SVOP: variants seen among roughly 807,000 people sequenced by gnomAD.
The protein encoded by SVOP is synaptic vesicle 2-related protein.
SVOP carries 17 observed loss-of-function variants against 69.1 expected under a neutral mutation model. The observed-to-expected ratio is 0.25, with a 90% CI of 0.17 to 0.37. The LOEUF (loss-of-function observed/expected upper bound fraction) is 0.37. SVOP is among the 10% of genes least tolerant of loss of function. SVOP has a pLI of 1.00. For missense variants in SVOP, 435 were observed against 597.5 expected (o/e 0.73, Z 2.84); for synonymous variants, 238 against 238.6 (o/e 1.00, Z 0.02).
intron 4 of SVOP, 35 bp from the exon 5 acceptor site, chr12:108,972,511 G>A (rs2040085374): frequency 1.3e-6 from 2 of 1,531,368 alleles, no homozygotes; most frequent in African/African-American, 2.7e-5. Context: ...TTAGACAGAG[G>A]ATGTGGATCA....
intron 10 of SVOP, among the ~76,000 whole-genome samples, chr12:108,934,510 T>C (rs1227335295): frequency 6.6e-6 from 1 of 152,134 alleles, no homozygotes; most frequent in Non-Finnish European, 1.5e-5. Flanking sequence ...GTCAGAGGTG[T>C]TTGAACCAGA....
chr12:108,982,613 A>G (rs1173977996), intron 2 of SVOP, among the ~76,000 whole-genome samples: 1 of 151,522 alleles, frequency 6.6e-6, no homozygotes, highest in Non-Finnish European at 1.5e-5. Flanking sequence ...TGCCATCCTT[A>G]TCACCATCTT....
At chr12:109,017,125 C>T (rs562290604) in intron 1 of SVOP, among the ~76,000 whole-genome samples, 3 of 152,246 alleles carry the variant, frequency 2.0e-5, no homozygotes, top group Admixed American at 6.5e-5. Flanking sequence ...GGACCCGTAA[C>T]GGTCTCTGGC....
chr12:108,912,385 A>T lies in SVOP; in HGVS notation c.*150T>A. On this transcript the variant is annotated 3_prime_UTR_variant, in exon 16 of 16. Coordinates refer to ENST00000610966, the MANE Select transcript of SVOP (RefSeq NM_018711.5). ...TGGGTGGACCTCAATGAAGATGAGC[A>T]AACTGAGTCAAGACACAAAACCCTG... The T allele has an allele frequency of 6.6e-7, 1 of 1,504,418 alleles. No homozygotes were observed. The highest frequency in any genetic ancestry group is 2.3e-5 in the East Asian group (1 of 43,594). 93.2% of individuals were successfully genotyped at this position (1,504,418 alleles called of 1,614,324 possible).
intron 7 of SVOP, 55 bp from the exon 8 acceptor site, chr12:108,940,964 G>T (rs1316182830): frequency 9.9e-6 from 15 of 1,509,624 alleles, no homozygotes; most frequent in African/African-American, 1.4e-5. Context: ...ATACAGAGAG[G>T]AATTATGGGG....
intron 11 of SVOP, among the ~76,000 whole-genome samples, chr12:108,928,225 C>T (rs1429740440): frequency 3.9e-5 from 6 of 152,164 alleles, no homozygotes; most frequent in South Asian, 2.1e-4. Flanking sequence ...CCCCCTGACC[C>T]CCACCATTTT....
chr12:108,953,256 C>T (rs1264746854), intron 6 of SVOP, among the ~76,000 whole-genome samples: 1 of 143,714 alleles, frequency 7.0e-6, no homozygotes, highest in Non-Finnish European at 1.5e-5. Context: ...TCAAGCGATT[C>T]TCCTGCCTCA....
chr12:108,947,920 CT>C (rs2039934182), intron 6 of SVOP, among the ~76,000 whole-genome samples: 1 of 152,018 alleles, frequency 6.6e-6, no homozygotes, highest in African/African-American at 2.4e-5. Context: ...ACATTTAGAT[CT>C]CCTAGGATCC....
intron 11 of SVOP, among the ~76,000 whole-genome samples, chr12:108,925,638 C>A (rs2039775829): frequency 6.6e-6 from 1 of 152,224 alleles, no homozygotes; most frequent in Non-Finnish European, 1.5e-5. Flanking sequence ...TGGCACTTAA[C>A]ACATCCTTGA....
At chr12:108,946,185 C>T (rs1039171437) in intron 6 of SVOP, among the ~76,000 whole-genome samples, 13 of 152,088 alleles carry the variant, frequency 8.5e-5, no homozygotes, top group African/African-American at 2.9e-4. Context: ...TTCAACCTTC[C>T]AGGCTCAAGC....
In SVOP at chr12:109,005,654, A is replaced by AT. The variant is rs1021971191; in HGVS notation, c.35+15179dup. 4.2e-4 allele frequency among the ~76,000 whole-genome samples: 64 copies of AT among 152,324 alleles called. 1 individual carries two copies. Among genetic ancestry groups the AT allele is most frequent in the African/African-American group, 1.5e-3 (62 of 41,574 alleles). Reference sequence around the variant, plus strand: ...CAGCAGTGGTACCCAAGGAACCCTCATGCCCTAGAAGGTGGGTGCCATTCC... The same window carrying AT: ...CAGCAGTGGTACCCAAGGAACCCTCATTGCCCTAGAAGGTGGGTGCCATTCC... On this transcript the variant is annotated intron_variant, in intron 1 of 15. Transcript: ENST00000610966.
At chr12:108,922,119 T>C (rs2137391168) in intron 12 of SVOP, among the ~76,000 whole-genome samples, 1 of 152,342 alleles carries the variant, frequency 6.6e-6, no homozygotes, top group East Asian at 1.9e-4. Context: ...AGCTGCCCTT[T>C]TGGACCAGGC....
intron 1 of SVOP, among the ~76,000 whole-genome samples, chr12:109,015,933 G>T (rs1047419222): frequency 5.3e-5 from 8 of 152,058 alleles, no homozygotes; most frequent in Non-Finnish European, 8.8e-5. Context: ...GGTGGAGGAC[G>T]GACGAAGAGT....
chr12:108,923,476 G>T (rs2039762338), intron 11 of SVOP, among the ~76,000 whole-genome samples: 1 of 152,058 alleles, frequency 6.6e-6, no homozygotes, highest in South Asian at 2.1e-4. Flanking sequence ...CAACATAGGT[G>T]GGGTGGTGGG....
At chr12:108,991,774 C>CA (rs1340686095) in intron 1 of SVOP, among the ~76,000 whole-genome samples, 105 of 28,372 alleles carry the variant, frequency 3.7e-3, no homozygotes, top group East Asian at 0.032. Flanking sequence ...CCCATCTCTA[C>CA]AAAAAAAAAC....
chr12:108,971,813 G>A (rs1321868274), intron 5 of SVOP, among the ~76,000 whole-genome samples: 1 of 152,050 alleles, frequency 6.6e-6, no homozygotes. Flanking sequence ...AGCGCTGTGG[G>A]AAGGCCAAGG....
At chr12:109,015,779 C>T (rs1361222104) in intron 1 of SVOP, among the ~76,000 whole-genome samples, 3 of 151,946 alleles carry the variant, frequency 2.0e-5, no homozygotes, top group Admixed American at 6.6e-5. Flanking sequence ...GGCAACAGAG[C>T]GAGACTCTGT....
intron 1 of SVOP, among the ~76,000 whole-genome samples, chr12:108,989,298 C>T (rs2040185160): frequency 6.6e-6 from 1 of 152,190 alleles, no homozygotes; most frequent in Admixed American, 6.5e-5. Flanking sequence ...TGGTCTCAAA[C>T]TCTTGGCCTC....
At position 108,909,309 on chromosome 12, in the gene SVOP, A is replaced by G. The variant is rs2039665779; in HGVS notation, c.*3226T>C. 6.6e-6 allele frequency: 1 copy of G among 152,154 alleles called. No homozygotes were observed. The highest frequency in any genetic ancestry group is 1.9e-4 in the East Asian group (1 of 5,194). 9.4% of individuals were successfully genotyped at this position (152,154 alleles called of 1,614,324 possible). A position where few individuals can be genotyped will look rare whatever the true frequency, so the allele number is the denominator to read the frequency against. ...GGTGGGCGGATCACTTGAGGTCAGG[A>G]GTTTGAGACCAGCCTGACCAACATG... is the stretch of plus-strand genomic sequence containing the variant. On this transcript the variant is annotated 3_prime_UTR_variant, in exon 16 of 16. Coordinates refer to ENST00000610966, the MANE Select transcript of SVOP (RefSeq NM_018711.5).
Sources: gnomAD v4.1 joint callset for allele counts (sites outside exome capture counted in the v4.1 genomes callset) on GRCh38, gnomAD v4.1.1 for gene constraint, MANE v1.5 for transcripts, NCBI Gene and HGNC (gene_info 2026-07-23, HGNC 2026-07-21) for gene names.